The following FAM167A variants were observed in gnomAD, a reference collection of about 807,000 sequenced individuals.
FAM167A encodes the protein protein FAM167A.
In FAM167A, 23 loss-of-function variants were observed where a neutral mutation model predicts 14.9. That is an observed-to-expected ratio of 1.55 (90% CI 1.11 to 2.19). The LOEUF is 2.19. FAM167A is among the 30% of genes most tolerant of loss of function. The pLI is 0.00. For synonymous variants in FAM167A, 174 were observed against 117.7 expected (o/e 1.48, Z -3.10); for missense variants, 401 against 281.5 (o/e 1.42, Z -3.04).
upstream of FAM167A, among the ~76,000 whole-genome samples, chr8:11,471,927 G>A (rs1807973805): frequency 6.6e-6 from 1 of 152,218 alleles, no homozygotes; most frequent in South Asian, 2.1e-4. Flanking sequence ...GGGGCCACAG[G>A]TGGGGCCTGA....
upstream of FAM167A, among the ~76,000 whole-genome samples, chr8:11,468,128 G>A (rs944910094): frequency 6.6e-6 from 1 of 152,106 alleles, no homozygotes; most frequent in African/African-American, 2.4e-5. Flanking sequence ...CTCTCTCAGC[G>A]CCTCCCAAGC....
intron 1 of FAM167A, among the ~76,000 whole-genome samples, chr8:11,460,416 A>G (rs1807493067): frequency 6.6e-6 from 1 of 152,152 alleles, no homozygotes; most frequent in Non-Finnish European, 1.5e-5. Flanking sequence ...TGACACATGC[A>G]GAGTCAGCCC....
At chr8:11,437,355 C>G (rs1403208358) in intron 2 of FAM167A, among the ~76,000 whole-genome samples, 4 of 152,162 alleles carry the variant, frequency 2.6e-5, no homozygotes, top group Non-Finnish European at 5.9e-5. Flanking sequence ...ATACAGTACC[C>G]AACCATCCCA....
At chr8:11,445,690 T>C (rs1450976908) in intron 1 of FAM167A, 3 of 888,206 alleles carry the variant, frequency 3.4e-6, no homozygotes, top group East Asian at 1.2e-4. Flanking sequence ...TAACTCCCAG[T>C]AAGAAGAGAC....
chr8:11,444,218 G>T lies in FAM167A; in HGVS notation c.194C>A (p.Ala65Glu), dbSNP rs370162158. 7 of 1,612,286 alleles carry T rather than the reference G, an allele frequency of 4.3e-6. No individual in the cohort carries two copies. The highest frequency in any genetic ancestry group is 1.7e-4 in the Middle Eastern group (1 of 6,044). Residue 65 changes from alanine to glutamate, a missense_variant, in exon 2 of 3, where the codon GCG becomes GAG. Physicochemically the swap from Ala to Glu is moderately radical, Grantham distance 107 (BLOSUM62 -1). Transcript: ENST00000284486. ...EHTWPFPRPA[A>E]EPQASLEEGE... The stretch of plus-strand genomic sequence containing the variant: ...CTCCTCCAAGCTCGCCTGTGGCTCC[G>T]CAGCCGGCCTCGGGAAGGGCCAGGT...
chr8:11,424,518 G>T lies in FAM167A; in HGVS notation c.500C>A (p.Ala167Asp), dbSNP rs1246227827. ...CRLHRRMLND[A>D]TYELEERDEL... The stretch of plus-strand genomic sequence containing the variant: ...ATCCCGCTCCTCCAGCTCGTAGGTG[G>T]CATCGTTGAGCATCCTCCTGTGGAG... Residue 167 changes from alanine (A) to aspartate (D), a missense_variant, in exon 3 of 3, where the codon GCC becomes GAC. By Grantham distance (126) the Ala-to-Asp change is moderately radical. Transcript: ENST00000284486. The T allele has an allele frequency of 1.9e-6, 3 of 1,614,196 alleles. No homozygotes were observed. In the Admixed American group the frequency reaches 5.0e-5, roughly 27 times the overall value.
intron 1 of FAM167A, chr8:11,474,607 A>T (rs924600652): frequency 2.6e-5 from 4 of 152,266 alleles, no homozygotes; most frequent in Admixed American, 2.0e-4. Context: ...AGATGGGCTT[A>T]CCTAGGGTCC....
chr8:11,470,591 C>T (rs535657957), upstream of FAM167A, among the ~76,000 whole-genome samples: 1 of 152,190 alleles, frequency 6.6e-6, no homozygotes, highest in African/African-American at 2.4e-5. Context: ...GGGCACAAAG[C>T]CCTCTCTAAA....
At chr8:11,459,928 A>C (rs905612255) in intron 1 of FAM167A, among the ~76,000 whole-genome samples, 1 of 152,182 alleles carries the variant, frequency 6.6e-6, no homozygotes, top group Non-Finnish European at 1.5e-5. Context: ...GGGTTTCACC[A>C]TATTGGCCAG....
At chr8:11,442,256 G>C (rs1257439939) in intron 2 of FAM167A, among the ~76,000 whole-genome samples, 2 of 152,232 alleles carry the variant, frequency 1.3e-5, no homozygotes, top group Non-Finnish European at 1.5e-5. Flanking sequence ...ATGACTTGTA[G>C]ACTCGAGGCC....
intron 2 of FAM167A, among the ~76,000 whole-genome samples, chr8:11,441,106 C>CT (rs986642369): frequency 1.7e-4 from 26 of 152,208 alleles, no homozygotes; most frequent in Non-Finnish European, 3.5e-4. Context: ...TACTTTGGGC[C>CT]TCAGAGTCGC....
rs1318669953 is a variant in FAM167A, at chr8:11,463,086, G to A, written c.-398+3540C>T. Among the ~76,000 whole-genome samples, 3 of 152,274 alleles carry A rather than the reference G, an allele frequency of 2.0e-5. No individual in the cohort carries two copies. In the East Asian group the frequency reaches 5.8e-4, roughly 29 times the overall value. On this transcript the variant is annotated intron_variant, in intron 1 of 2. Transcript: ENST00000284486. The stretch of plus-strand genomic sequence containing the variant: ...TATGGACTCCGCTGGACTTGTTTCA[G>A]GTAAATATTTGTCCAAAAATGTGTA...
At chr8:11,439,660 G>A (rs529527790) in intron 2 of FAM167A, among the ~76,000 whole-genome samples, 2 of 138,518 alleles carry the variant, frequency 1.4e-5, no homozygotes, top group African/African-American at 2.5e-5. Context: ...ACACACCTGC[G>A]TGAAACTAGA....
chr8:11,469,482 T>G (rs1396804033), upstream of FAM167A, among the ~76,000 whole-genome samples: 1 of 105,364 alleles, frequency 9.5e-6, no homozygotes, highest in Non-Finnish European at 2.4e-5. Context: ...TCCCTTTGAT[T>G]CCTTACAGAG....
In FAM167A at chr8:11,444,183, C is replaced by G. The variant is rs771864038; in HGVS notation, c.229G>C (p.Gly77Arg). 9.3e-6 allele frequency: 15 copies of G among 1,612,880 alleles called. No homozygotes were observed. The East Asian group carries it at 1.1e-4, about 12-fold the overall frequency. The change falls in exon 2 of 3, where the codon GGG (glycine) becomes CGG (arginine). Residue 77 changes from glycine (G) to arginine (R), a missense_variant. Physicochemically the swap from Gly to Arg is moderately radical, Grantham distance 125. Transcript: ENST00000284486. ...AGGGGGAGCAAGGGCTCCTGCCCCC[C>G]ACGCTCCCCCTCCTCCAAGCTCGCC... ...PQASLEEGER[G>R]GQEPLLPLRE...
chr8:11,441,678 C>T (rs1282393276), intron 2 of FAM167A, among the ~76,000 whole-genome samples: 1 of 152,198 alleles, frequency 6.6e-6, no homozygotes, highest in African/African-American at 2.4e-5. Context: ...CTCATCATGT[C>T]ATCCTAAGCA....
chr8:11,424,497 C>CGCTCCTCCA lies in FAM167A; in HGVS notation c.512_520dup (p.Leu171_Glu173dup). On this transcript the variant is annotated inframe_insertion, in exon 3 of 3. Coordinates refer to ENST00000284486, the MANE Select transcript of FAM167A (RefSeq NM_053279.3). The stretch of plus-strand genomic sequence containing the variant: ...ACAGAAGAGGTCGGCCAGCTCATCC[C>CGCTCCTCCA]GCTCCTCCAGCTCGTAGGTGGCATC... 1 of 1,614,096 alleles carries CGCTCCTCCA rather than the reference C, an allele frequency of 6.2e-7. No individual in the cohort carries two copies. Among genetic ancestry groups the CGCTCCTCCA allele is most frequent in the Non-Finnish European group, 8.5e-7 (1 of 1,179,966 alleles).
At chr8:11,474,913 G>T (rs1450983478) in intron 1 of FAM167A, among the ~76,000 whole-genome samples, 1 of 151,894 alleles carries the variant, frequency 6.6e-6, no homozygotes, top group Non-Finnish European at 1.5e-5. Context: ...TGAAGGAGAG[G>T]GGAGGGGAGA....
chr8:11,431,714 G>GGT (rs1349315559), intron 2 of FAM167A, among the ~76,000 whole-genome samples: 1 of 151,856 alleles, frequency 6.6e-6, no homozygotes, highest in African/African-American at 2.4e-5. Context: ...CGTGGCCGCA[G>GGT]GTGCTGGGGA....
Sources: gnomAD v4.1 joint callset for allele counts (sites outside exome capture counted in the v4.1 genomes callset) on GRCh38, gnomAD v4.1.1 for gene constraint, MANE v1.5 for transcripts, NCBI Gene and HGNC (gene_info 2026-07-23, HGNC 2026-07-21) for gene names.